The following DYNC2H1 variants were observed in gnomAD, a reference collection of about 807,000 sequenced individuals.
DYNC2H1 encodes dynein cytoplasmic 2 heavy chain 1, also known as cytoplasmic dynein 2 heavy chain 1.
Under a neutral mutation model 570.0 loss-of-function variants are expected in DYNC2H1, and 410 were observed. The ratio of observed to expected loss-of-function variants is 0.72; its 90% CI spans 0.66 to 0.78. The LOEUF is 0.78. Among genes scored for constraint, DYNC2H1 ranks in the 30% least tolerant of loss-of-function variants. DYNC2H1 has a pLI of 0.00. For synonymous variants in DYNC2H1, 1,688 were observed against 1,677.6 expected, an observed-to-expected ratio of 1.01 and a Z score of -0.15; for missense variants, 4,865 against 5,046.4, an observed-to-expected ratio of 0.96 and a Z score of 1.09.
intron 85 of DYNC2H1, among the ~76,000 whole-genome samples, chr11:103,441,652 C>T (rs1944271561): frequency 6.6e-6 from 1 of 152,078 alleles, no homozygotes; most frequent in Non-Finnish European, 1.5e-5. Flanking sequence ...TCTCTTTTTT[C>T]CAATCATCAA....
intron 56 of DYNC2H1, 135 bp downstream of exon 56, chr11:103,220,163 G>T: frequency 2.2e-6 from 1 of 453,582 alleles, no homozygotes. Context: ...AATGTTACTT[G>T]TAAAAGAGAA....
At chr11:103,345,309 C>T (rs1180938591) in intron 82 of DYNC2H1, among the ~76,000 whole-genome samples, 2 of 151,844 alleles carry the variant, frequency 1.3e-5, no homozygotes, top group African/African-American at 4.8e-5. Flanking sequence ...TGAAACAGTG[C>T]CACTAGGAAC....
At chr11:103,441,408 G>T in intron 85 of DYNC2H1, among the ~76,000 whole-genome samples, 1 of 141,156 alleles carries the variant, frequency 7.1e-6, no homozygotes, top group African/African-American at 2.7e-5. Flanking sequence ...TTTTCTCTGT[G>T]GCCTATATCT....
At chr11:103,214,600 T>A (rs12797936) in intron 54 of DYNC2H1, among the ~76,000 whole-genome samples, 16,281 of 151,668 alleles carry the variant, frequency 0.11, 1,020 homozygotes, top group East Asian at 0.21. Flanking sequence ...GGTGCCACCA[T>A]GCCTGGCTAA....
At chr11:103,291,817 C>G (rs1404932670) in intron 75 of DYNC2H1, among the ~76,000 whole-genome samples, 1 of 152,142 alleles carries the variant, frequency 6.6e-6, no homozygotes, top group Admixed American at 6.6e-5. Context: ...CTTTGTTGGT[C>G]TCTTTCTATA....
rs1865017685 is a variant in DYNC2H1 at position 103,255,465 on chromosome 11, A to T, written c.10257A>T (p.Lys3419Asn). ...QHEKPDLEEQ[K>N]TKLLQQEEDK... ...AGAAACCTGATTTAGAAGAACAGAA[A>T]ACAAAACTATTACAACAGGAAGAAG... is the stretch of plus-strand genomic sequence containing the variant. Residue 3419 changes from lysine (K) to asparagine (N), a missense_variant, in exon 67 of 89, where the codon AAA becomes AAT. Lys to Asn is a moderately conservative substitution (Grantham distance 94). Transcript: ENST00000375735. 6.4e-7 allele frequency: 1 copy of T among 1,570,328 alleles called. No homozygotes were observed. Among genetic ancestry groups the T allele is most frequent in the African/African-American group, 1.4e-5 (1 of 74,004 alleles).
chr11:103,247,188 A>G (rs1393477169), intron 65 of DYNC2H1, among the ~76,000 whole-genome samples: 1 of 152,048 alleles, frequency 6.6e-6, no homozygotes, highest in Admixed American at 6.6e-5. Context: ...CATCAAAAGT[A>G]TCTTCTATTA....
intron 4 of DYNC2H1, 149 bp downstream of exon 4, chr11:103,115,444 G>T: frequency 2.0e-6 from 1 of 511,330 alleles, no homozygotes; most frequent in Non-Finnish European, 3.4e-6. Flanking sequence ...AGTTGTATAT[G>T]TAAAATGAAT....
intron 59 of DYNC2H1, among the ~76,000 whole-genome samples, chr11:103,230,912 C>T (rs975328983): frequency 6.6e-6 from 1 of 152,092 alleles, no homozygotes; most frequent in African/African-American, 2.4e-5. Flanking sequence ...CTATTTCATA[C>T]TTTCCTCTTT....
In DYNC2H1 at chr11:103,241,433, A is replaced by C. The variant is rs1864418553; in HGVS notation, c.9820-2260A>C. 8.8e-7 allele frequency: 1 copy of C among 1,136,790 alleles called. No homozygotes were observed. Among genetic ancestry groups the C allele is most frequent in the Admixed American group, 2.1e-5 (1 of 46,612 alleles). The allele number at this position is 1,136,790 out of a possible 1,614,324, so 70.4% of individuals were successfully genotyped here. A position where few individuals can be genotyped will look rare whatever the true frequency, so the allele number is the denominator to read the frequency against. On this transcript the variant is annotated intron_variant, in intron 63 of 88. Coordinates refer to ENST00000375735, the MANE Select transcript of DYNC2H1 (RefSeq NM_001377.3). This position sits in a 1 kb window ranked among gnomAD's most constrained non-coding sequence, Gnocchi z 5.1. ...GGAGACGTAAAATAAGATGACAACA[A>C]ACTTTTAAGTACCCTTTGAAAAACT... is the stretch of plus-strand genomic sequence containing the variant.
At chr11:103,195,984 G>A (rs767163269) in intron 47 of DYNC2H1, among the ~76,000 whole-genome samples, 21 of 152,286 alleles carry the variant, frequency 1.4e-4, no homozygotes, top group Non-Finnish European at 2.1e-4. Context: ...AAAACAATGT[G>A]CAAAGAAACA....
intron 84 of DYNC2H1, among the ~76,000 whole-genome samples, chr11:103,428,806 A>G (rs2449118): frequency 0.56 from 84,409 of 151,938 alleles, 24,082 homozygotes; most frequent in East Asian, 0.72. Flanking sequence ...TGTAGCATAT[A>G]TCAATTTTTT....
At chr11:103,447,475 G>A (rs1157205344) in intron 85 of DYNC2H1, among the ~76,000 whole-genome samples, 1 of 152,084 alleles carries the variant, frequency 6.6e-6, no homozygotes, top group African/African-American at 2.4e-5. Context: ...CACAATGTGG[G>A]AAACCATTAA....
intron 52 of DYNC2H1, among the ~76,000 whole-genome samples, chr11:103,206,013 C>A (rs778365678): frequency 5.3e-5 from 8 of 152,102 alleles, no homozygotes; most frequent in Non-Finnish European, 1.2e-4. Context: ...ACTGTAGTTT[C>A]TGTGCTGAAA....
chr11:103,235,206 A>T (rs1864174978), intron 61 of DYNC2H1, among the ~76,000 whole-genome samples: 1 of 151,958 alleles, frequency 6.6e-6, no homozygotes, highest in Non-Finnish European at 1.5e-5. Context: ...AACCTTTCAC[A>T]ATCTGCCTTT....
intron 4 of DYNC2H1, among the ~76,000 whole-genome samples, chr11:103,116,332 A>G (rs1314004807): frequency 6.6e-6 from 1 of 152,180 alleles, no homozygotes; most frequent in Non-Finnish European, 1.5e-5. Flanking sequence ...AATTGTGTAA[A>G]TGAATGAGTA....
In DYNC2H1 at chr11:103,187,396, ACTG is replaced by A; in HGVS notation, c.6951_6953del (p.Cys2318del). 6.2e-7 allele frequency: 1 copy of A among 1,613,208 alleles called. No individual in the cohort carries two copies. The highest frequency in any genetic ancestry group is 8.5e-7 in the Non-Finnish European group (1 of 1,179,416). On this transcript the variant is annotated inframe_deletion, in exon 43 of 89. Coordinates refer to ENST00000375735, the MANE Select transcript of DYNC2H1 (RefSeq NM_001377.3). ...CGGTCCACTCAAATTGCTACAGTTC[ACTG>A]TAGTGCACAAACCACTTCTCGACAT...
chr11:103,140,368 T>G (rs978612518), intron 17 of DYNC2H1, among the ~76,000 whole-genome samples: 3 of 152,104 alleles, frequency 2.0e-5, no homozygotes, highest in African/African-American at 7.2e-5. Context: ...CCTTTCCATG[T>G]TGAGTGCTTC....
intron 84 of DYNC2H1, among the ~76,000 whole-genome samples, chr11:103,411,724 A>T (rs1308881648): frequency 6.6e-6 from 1 of 152,002 alleles, no homozygotes; most frequent in African/African-American, 2.4e-5. Flanking sequence ...TTCAACCAAG[A>T]TCTACTAAGT....
Sources: allele counts gnomAD v4.1 joint callset (sites outside exome capture counted in the v4.1 genomes callset), GRCh38; gene constraint gnomAD v4.1.1; non-coding constraint Gnocchi (gnomAD v3.1); transcripts MANE v1.5; gene names NCBI Gene and HGNC (gene_info 2026-07-23, HGNC 2026-07-21).